Variants in EIF3M observed in about 807,000 individuals in gnomAD.
EIF3M encodes B5 receptor.
In EIF3M, 25 loss-of-function variants were observed where a neutral mutation model predicts 49.7. That is an observed-to-expected ratio of 0.50 (90% confidence interval 0.37 to 0.70). The LOEUF is 0.70. EIF3M is among the 30% of genes least tolerant of loss of function. The pLI is 0.00. For synonymous variants in EIF3M, 156 were observed against 149.8 expected (o/e 1.04, Z -0.30); for missense variants, 350 against 440.0 (o/e 0.80, Z 1.83).
intron 1 of EIF3M, among the ~76,000 whole-genome samples, chr11:32,586,255 A>C (rs372977845): frequency 0.057 from 8,717 of 152,040 alleles, 293 homozygotes; most frequent in African/African-American, 0.096. Context: ...AAACAAAACA[A>C]AAAAAAACTG....
chr11:32,584,284 A>G (rs1048755782), intron 1 of EIF3M: 1 of 278,072 alleles, frequency 3.6e-6, no homozygotes, highest in African/African-American at 2.3e-5. Context: ...TAGCATAAGC[A>G]GGGTAGGGAA....
At chr11:32,583,961 G>A in intron 1 of EIF3M, 32 bp downstream of exon 1, 1 of 1,611,834 alleles carries the variant, frequency 6.2e-7, no homozygotes, top group Non-Finnish European at 8.5e-7. Context: ...CCGCCACGGT[G>A]GGGTGGGGGA....
intron 6 of EIF3M, chr11:32,594,639 T>C (rs1001012039): frequency 3.5e-6 from 1 of 283,114 alleles, no homozygotes; most frequent in Non-Finnish European, 6.7e-6. Context: ...TGTCTTGGCA[T>C]GTGGTTCTGC....
In EIF3M at chr11:32,602,752, G is replaced by T; in HGVS notation, c.*353G>T. The T allele has an allele frequency of 8.0e-7, 1 of 1,251,818 alleles. No homozygotes were observed. The highest frequency in any genetic ancestry group is 1.1e-6 in the Non-Finnish European group (1 of 911,230). The allele number at this position is 1,251,818 out of a possible 1,614,324, so 77.5% of individuals were successfully genotyped here. A position where few individuals can be genotyped will look rare whatever the true frequency, so the allele number is the denominator to read the frequency against. On this transcript the variant is annotated 3_prime_UTR_variant, in exon 11 of 11. Coordinates refer to ENST00000531120, the MANE Select transcript of EIF3M (RefSeq NM_006360.6). Reference sequence around the variant, plus strand: ...TAAATACAACAGTCATTTTATTCTAGTAAAAACTATACCAGAATTTCAGTT... The same window carrying T: ...TAAATACAACAGTCATTTTATTCTATTAAAAACTATACCAGAATTTCAGTT...
intron 3 of EIF3M, 101 bp from the exon 4 acceptor site, chr11:32,588,911 G>A: frequency 6.5e-7 from 1 of 1,539,128 alleles, no homozygotes; most frequent in Non-Finnish European, 8.8e-7. Flanking sequence ...GTAATATGAA[G>A]TTGTTAACGG....
intron 1 of EIF3M, among the ~76,000 whole-genome samples, chr11:32,586,483 G>GCATTGC (rs1301549865): frequency 6.6e-6 from 1 of 152,096 alleles, no homozygotes; most frequent in Non-Finnish European, 1.5e-5. Flanking sequence ...AGCATTCACC[G>GCATTGC]CATTGCCCTT....
At chr11:32,594,817 T>C in intron 6 of EIF3M, 97 bp from the exon 7 acceptor site, 1 of 1,035,476 alleles carries the variant, frequency 9.7e-7, no homozygotes, top group African/African-American at 1.6e-5. Context: ...GACTGTTAGA[T>C]ATTTTGCCGA....
At position 32,589,098 on chromosome 11, in the gene EIF3M, G is replaced by T; in HGVS notation, c.401G>T (p.Cys134Phe). 6.2e-7 allele frequency: 1 copy of T among 1,614,222 alleles called. No homozygotes were observed. The highest frequency in any genetic ancestry group is 8.5e-7 in the Non-Finnish European group (1 of 1,180,050). The change falls in exon 4 of 11, where the codon TGT becomes TTT. Residue 134 changes from cysteine to phenylalanine, a missense_variant. Coordinates refer to ENST00000531120, the MANE Select transcript of EIF3M (RefSeq NM_006360.6). ...AGCCTTATTAAAGTGGCAGCATCTT[G>T]TGGGGCCATCCAGTACATCCCAACT... ...YCSLIKVAAS[C>F]GAIQYIPTEL...
intron 8 of EIF3M, among the ~76,000 whole-genome samples, chr11:32,598,788 A>G (rs960847284): frequency 6.6e-6 from 1 of 152,052 alleles, no homozygotes; most frequent in Admixed American, 6.5e-5. Context: ...ATCACTTTAT[A>G]TTGAAAGAGA....
intron 1 of EIF3M, chr11:32,584,324 CG>C (rs1369085358): frequency 5.2e-6 from 1 of 190,660 alleles, no homozygotes; most frequent in East Asian, 1.5e-4. Flanking sequence ...ATCAAAATGC[CG>C]GGCCGGGCGC....
At position 32,593,919 on chromosome 11, in the gene EIF3M, A is replaced by C; in HGVS notation, c.587A>C (p.Asn196Thr). The C allele has an allele frequency of 6.4e-7, 1 of 1,574,786 alleles. No individual in the cohort carries two copies. The highest frequency in any genetic ancestry group is 8.6e-7 in the Non-Finnish European group (1 of 1,161,044). ...TTGCTCGGAAGTTACACAGAGGACA[A>C]TGCTTCCCAGGCTCGAGTTGATGCC... ...VELLGSYTED[N>T]ASQARVDAHR... Residue 196 changes from asparagine (N) to threonine (T), a missense_variant, in exon 6 of 11, where the codon AAT (asparagine) becomes ACT (threonine). Coordinates refer to ENST00000531120, the MANE Select transcript of EIF3M (RefSeq NM_006360.6).
At chr11:32,594,083 G>A in intron 6 of EIF3M, 134 bp downstream of exon 6, 1 of 496,966 alleles carries the variant, frequency 2.0e-6, no homozygotes, top group Non-Finnish European at 3.4e-6. Flanking sequence ...ATTTCCTGGT[G>A]ATTCTAATGT....
Position 32,588,719 on chromosome 11 carries a change from C to G in EIF3M, c.301C>G (p.Leu101Val), listed in dbSNP as rs1254818365. 6.2e-7 allele frequency: 1 copy of G among 1,614,212 alleles called. No individual in the cohort carries two copies. The highest frequency in any genetic ancestry group is 8.5e-7 in the Non-Finnish European group (1 of 1,180,038). The change falls in exon 3 of 11, where the codon CTG becomes GTG. Residue 101 changes from leucine to valine, a missense_variant. Physicochemically the swap from Leu to Val is conservative, Grantham distance 32. Coordinates refer to ENST00000531120, the MANE Select transcript of EIF3M (RefSeq NM_006360.6). ...ATTTCGCGAAGGTGAACGCCCGTCTCTGAGACTGCAGTTGTAAGTTAAGAT... is the reference window on the plus strand; with the variant it reads ...ATTTCGCGAAGGTGAACGCCCGTCTGTGAGACTGCAGTTGTAAGTTAAGAT... ...VKFREGERPS[L>V]RLQLLSNLFH...
In EIF3M at chr11:32,600,990, G is replaced by A. The variant is rs1408467745; in HGVS notation, c.943+158G>A. 3 of 921,936 alleles carry A rather than the reference G, an allele frequency of 3.3e-6. No homozygotes were observed. In the East Asian group the frequency reaches 8.6e-5, roughly 26 times the overall value. 57.1% of individuals were successfully genotyped at this position (921,936 alleles called of 1,614,324 possible). A position where few individuals can be genotyped will look rare whatever the true frequency, so the allele number is the denominator to read the frequency against. On this transcript the variant is annotated intron_variant, in intron 9 of 10. Coordinates refer to ENST00000531120, the MANE Select transcript of EIF3M (RefSeq NM_006360.6). ...TTAGTGGATATATTTGTTGTAGGGTGAAAATTTAGTAGAAATATAAACTGC... is the reference window on the plus strand; with the variant it reads ...TTAGTGGATATATTTGTTGTAGGGTAAAAATTTAGTAGAAATATAAACTGC...
intron 8 of EIF3M, among the ~76,000 whole-genome samples, chr11:32,599,362 A>G (rs753932789): frequency 5.3e-5 from 8 of 151,914 alleles, no homozygotes; most frequent in Non-Finnish European, 1.0e-4. Flanking sequence ...TACCTCATTC[A>G]TTTGAGTTAT....
chr11:32,602,298 T>C lies in EIF3M; in HGVS notation c.1024T>C (p.Phe342Leu), dbSNP rs1346577556. 6.2e-7 allele frequency: 1 copy of C among 1,611,776 alleles called. No individual in the cohort carries two copies. The highest frequency in any genetic ancestry group is 8.5e-7 in the Non-Finnish European group (1 of 1,178,638). Residue 342 changes from phenylalanine to leucine, a missense_variant, in exon 11 of 11, where the codon TTT becomes CTT. By Grantham distance (22) the Phe-to-Leu change is conservative. Coordinates refer to ENST00000531120, the MANE Select transcript of EIF3M (RefSeq NM_006360.6). ...TTTTAGTCATAGCACACATCGGACA[T>C]TTGGAAAACAGCAGTGGCAACAACT... ...VVVSHSTHRT[F>L]GKQQWQQLYD...
chr11:32,584,128 G>T, intron 1 of EIF3M, 199 bp downstream of exon 1: 2 of 642,280 alleles, frequency 3.1e-6, no homozygotes, highest in Non-Finnish European at 2.6e-6. Context: ...GTCCCAGCGC[G>T]GGGCCCGACG....
intron 8 of EIF3M, 76 bp from the exon 9 acceptor site, chr11:32,600,613 G>A (rs1855245725): frequency 1.4e-6 from 2 of 1,395,202 alleles, no homozygotes; most frequent in Non-Finnish European, 9.4e-7. Flanking sequence ...AATTTCCACA[G>A]CTTAACATGA....
intron 9 of EIF3M, 186 bp from the exon 10 acceptor site, chr11:32,601,576 T>C (rs1855265913): frequency 2.1e-6 from 1 of 475,074 alleles, no homozygotes; most frequent in South Asian, 3.7e-5. Context: ...CCAGCAGCCA[T>C]AGGACAAATG....
Sources: allele counts gnomAD v4.1 joint callset (sites outside exome capture counted in the v4.1 genomes callset), GRCh38; gene constraint gnomAD v4.1.1; transcripts MANE v1.5; gene names NCBI Gene and HGNC (gene_info 2026-07-23, HGNC 2026-07-21).